The following JMJD1C variants were observed in gnomAD, a reference collection of about 807,000 sequenced individuals.
The protein encoded by JMJD1C is jumonji domain containing 1C.
A neutral mutation model predicts 245.3 loss-of-function variants in JMJD1C; 31 were observed. That is an observed-to-expected ratio of 0.13 (90% CI 0.09 to 0.17). JMJD1C has a LOEUF of 0.17. JMJD1C is among the 10% of genes least tolerant of loss of function. The probability of loss-of-function intolerance (pLI) is 1.00; values close to 1 mark genes in which losing one functional copy is unlikely to be tolerated. For missense variants in JMJD1C, 2,691 were observed against 3,000.2 expected, an observed-to-expected ratio of 0.90 and a Z score of 2.41; for synonymous variants, 1,057 against 1,017.4, an observed-to-expected ratio of 1.04 and a Z score of -0.74.
chr10:63,480,343 C>T (rs1421445416), intron 1 of JMJD1C, among the ~76,000 whole-genome samples: 2 of 147,842 alleles, frequency 1.4e-5, no homozygotes, highest in Non-Finnish European at 3.0e-5. Context: ...TTTTTTGAGG[C>T]AGTCTCATTT....
chr10:63,195,823 GA>G (rs1227477804), intron 13 of JMJD1C, among the ~76,000 whole-genome samples: 4 of 152,090 alleles, frequency 2.6e-5, no homozygotes, highest in African/African-American at 9.7e-5. Flanking sequence ...CAGCTACTCG[GA>G]GAGACTAGGC....
intron 1 of JMJD1C, among the ~76,000 whole-genome samples, chr10:63,461,525 A>G (rs1269952380): frequency 6.6e-6 from 1 of 152,224 alleles, no homozygotes; most frequent in Non-Finnish European, 1.5e-5. Flanking sequence ...ATCATAAATC[A>G]CTTTAAATTT....
intron 2 of JMJD1C, among the ~76,000 whole-genome samples, chr10:63,297,890 G>C (rs1406159548): frequency 6.6e-6 from 1 of 152,232 alleles, no homozygotes; most frequent in Non-Finnish European, 1.5e-5. Context: ...TGGGAGCCCA[G>C]ACCTCAGGGC....
chr10:63,214,263 T>C lies in JMJD1C; in HGVS notation c.1904A>G (p.Lys635Arg). The C allele has an allele frequency of 1.2e-6, 2 of 1,614,120 alleles. No individual in the cohort carries two copies. The highest frequency in any genetic ancestry group is 2.2e-5 in the East Asian group (1 of 44,864). ...SKLNTSVDTH[K>R]IKSSPSPEVV... Reference sequence around the variant, plus strand: ...TTCAGGTGATGGGCTGGATTTTATCTTGTGAGTATCTACTGAAGTATTAAG... The same window carrying C: ...TTCAGGTGATGGGCTGGATTTTATCCTGTGAGTATCTACTGAAGTATTAAG... The change falls in exon 8 of 26, where the codon AAG becomes AGG. Residue 635 changes from lysine to arginine, a missense_variant. Coordinates refer to ENST00000399262, the MANE Select transcript of JMJD1C (RefSeq NM_032776.3).
intron 2 of JMJD1C, among the ~76,000 whole-genome samples, chr10:63,329,391 T>C (rs1456584260): frequency 6.6e-6 from 1 of 151,252 alleles, no homozygotes; most frequent in Non-Finnish European, 1.5e-5. Flanking sequence ...ATTTTGTTAC[T>C]CATTTGTGTG....
chr10:63,490,409 A>ATTT (rs1352226417), intron 1 of JMJD1C, among the ~76,000 whole-genome samples: 1 of 128,192 alleles, frequency 7.8e-6, no homozygotes, highest in Non-Finnish European at 1.8e-5. Flanking sequence ...ATCTATAATT[A>ATTT]TTTATTTATT....
intron 2 of JMJD1C, among the ~76,000 whole-genome samples, chr10:63,278,620 G>A (rs1302652700): frequency 6.6e-6 from 1 of 151,730 alleles, no homozygotes; most frequent in Non-Finnish European, 1.5e-5. Flanking sequence ...ACCTTTAGGA[G>A]GCCGAAGTCG....
rs769512909 is a variant in JMJD1C, at chr10:63,189,464, AAAC to A, written c.6292-21_6292-19del. The A allele has an allele frequency of 3.2e-6, 5 of 1,570,426 alleles. No individual in the cohort carries two copies. In the Admixed American group the frequency reaches 1.0e-4, roughly 32 times the overall value. On this transcript the variant is annotated intron_variant, in intron 17 of 25. Transcript: ENST00000399262. ...TTGCTACTCTATTAAGGAAAAAACA[AAAC>A]AAAAAAAACCTGTTTTTGAGAGAAA...
intron 1 of JMJD1C, among the ~76,000 whole-genome samples, chr10:63,409,465 C>T (rs912075809): frequency 1.3e-5 from 2 of 151,902 alleles, no homozygotes; most frequent in South Asian, 2.1e-4. Flanking sequence ...TAGGCAGTAA[C>T]GTGAATGGTT....
At chr10:63,275,726 T>A (rs957756620) in intron 2 of JMJD1C, among the ~76,000 whole-genome samples, 1 of 152,216 alleles carries the variant, frequency 6.6e-6, no homozygotes, top group Non-Finnish European at 1.5e-5. Flanking sequence ...ATAATTATAT[T>A]TGAGAAAATT....
rs375237690 is a variant in JMJD1C, at chr10:63,434,533, C to T, written c.168+30962G>A. ...ACAATACTAGAGAGGAATAAGCTAC[C>T]GAGAGAGGAAGATTTCCAGAGGAGG... On this transcript the variant is annotated intron_variant, in intron 1 of 25. Transcript: ENST00000399262. Among the ~76,000 whole-genome samples, 11 of 152,066 alleles carry T rather than the reference C, an allele frequency of 7.2e-5. No homozygotes were observed. The South Asian group carries it at 2.3e-3, about 32-fold the overall frequency.
At chr10:63,170,539 C>T (rs1175365797) in intron 24 of JMJD1C, among the ~76,000 whole-genome samples, 1 of 152,246 alleles carries the variant, frequency 6.6e-6, no homozygotes, top group Non-Finnish European at 1.5e-5. Flanking sequence ...AGTTACCTAA[C>T]AGAGATTTCC....
intron 5 of JMJD1C, among the ~76,000 whole-genome samples, chr10:63,216,425 T>C (rs926787987): frequency 6.6e-6 from 1 of 151,972 alleles, no homozygotes; most frequent in South Asian, 2.1e-4. Context: ...TAAAACTCCA[T>C]AGGAGCCGGG....
In JMJD1C at chr10:63,345,406, G is replaced by C. The variant is rs556111192; in HGVS notation, c.333+34912C>G. ...GGAAGCTAAGGAAGGAGAATCGCTT[G>C]AACCCAGGAGGCGGGAGGTTGCAGT... On this transcript the variant is annotated intron_variant, in intron 2 of 25. Transcript: ENST00000399262. Among the ~76,000 whole-genome samples, 7 of 150,098 alleles carry C rather than the reference G, an allele frequency of 4.7e-5. No individual in the cohort carries two copies. In the South Asian group the frequency reaches 8.4e-4, roughly 18 times the overall value.
chr10:63,350,350 G>C (rs1425417186), intron 2 of JMJD1C, among the ~76,000 whole-genome samples: 1 of 152,024 alleles, frequency 6.6e-6, no homozygotes, highest in Non-Finnish European at 1.5e-5. Flanking sequence ...TAATCATACT[G>C]CCAATTTTAT....
At chr10:63,392,093 A>G (rs1050559868) in intron 1 of JMJD1C, among the ~76,000 whole-genome samples, 2 of 152,234 alleles carry the variant, frequency 1.3e-5, no homozygotes. Context: ...ATTTTTCACT[A>G]AGGTTCCAAG....
chr10:63,310,610 T>G (rs76843774), intron 2 of JMJD1C, among the ~76,000 whole-genome samples: 2,027 of 152,312 alleles, frequency 0.013, 30 homozygotes, highest in African/African-American at 0.034. Context: ...TATATGAAAT[T>G]AACTTGATAA....
At chr10:63,376,084 AGAACATACAGACC>A in intron 2 of JMJD1C, among the ~76,000 whole-genome samples, 1 of 152,204 alleles carries the variant, frequency 6.6e-6, no homozygotes, top group African/African-American at 2.4e-5. Context: ...TATCAGCATA[AGAACATACAGACC>A]AATGGAATGG....
chr10:63,357,832 C>CACACACAG, intron 2 of JMJD1C, among the ~76,000 whole-genome samples: 1 of 80,516 alleles, frequency 1.2e-5, no homozygotes, highest in East Asian at 2.2e-4. Flanking sequence ...GACAGACACA[C>CACACACAG]ACACACACAC....
Sources: gnomAD v4.1 joint callset for allele counts (sites outside exome capture counted in the v4.1 genomes callset) on GRCh38, gnomAD v4.1.1 for gene constraint, MANE v1.5 for transcripts, NCBI Gene and HGNC (gene_info 2026-07-23, HGNC 2026-07-21) for gene names.